The following INSC variants were observed in gnomAD, a reference collection of about 807,000 sequenced individuals.
INSC encodes the protein INSC spindle orientation adaptor protein, also known as protein inscuteable homolog.
Under a neutral mutation model 58.6 loss-of-function variants are expected in INSC, and 67 were observed. That is an observed-to-expected ratio of 1.14 (90% CI 0.94 to 1.40). The LOEUF (loss-of-function observed/expected upper bound fraction) is 1.40, where lower values mean the gene tolerates loss of function less well. Ranked by LOEUF, INSC falls within the 40% of genes most tolerant of loss-of-function variation. INSC has a pLI of 0.00. For synonymous variants in INSC, 262 were observed against 276.1 expected, an observed-to-expected ratio of 0.95 and a Z score of 0.51; for missense variants, 714 against 692.0, an observed-to-expected ratio of 1.03 and a Z score of -0.36.
At chr11:15,153,668 C>T (rs1848720715) in intron 2 of INSC, among the ~76,000 whole-genome samples, 1 of 152,170 alleles carries the variant, frequency 6.6e-6, no homozygotes. Flanking sequence ...GGCAGAGGGA[C>T]AATGATTCAA....
chr11:15,261,263 T>C, the INSC span, among the ~76,000 whole-genome samples: 11 of 152,296 alleles, frequency 7.2e-5, no homozygotes, highest in Admixed American at 2.0e-4. Flanking sequence ...AGTTTTAGCT[T>C]TAGTTTTTGT....
chr11:15,267,559 T>C, the INSC span, among the ~76,000 whole-genome samples: 1 of 152,044 alleles, frequency 6.6e-6, no homozygotes, highest in African/African-American at 2.4e-5. Flanking sequence ...TCAGACTTTG[T>C]GGGCTATATC....
At chr11:15,197,086 T>A (rs1165913669) in intron 6 of INSC, among the ~76,000 whole-genome samples, 1 of 152,246 alleles carries the variant, frequency 6.6e-6, no homozygotes, top group Non-Finnish European at 1.5e-5. Flanking sequence ...TCTTTTGATA[T>A]GTCATAATTA....
intron 5 of INSC, chr11:15,188,222 A>G: frequency 2.0e-6 from 2 of 985,458 alleles, no homozygotes; most frequent in Non-Finnish European, 2.4e-6. Flanking sequence ...ACATAGTGTT[A>G]GATGCGAAGG....
intron 12 of INSC, among the ~76,000 whole-genome samples, chr11:15,244,272 G>A (rs1171489954): frequency 6.6e-6 from 1 of 152,106 alleles, no homozygotes; most frequent in Non-Finnish European, 1.5e-5. Context: ...AGTCTATGGG[G>A]TAAACCACGC....
chr11:15,264,680 T>A, the INSC span, among the ~76,000 whole-genome samples: 1 of 150,688 alleles, frequency 6.6e-6, no homozygotes, highest in Non-Finnish European at 1.5e-5. Context: ...CACAGGAAGT[T>A]CTCTGCTTTG....
At position 15,200,726 on chromosome 11, in the gene INSC, G is replaced by A. The variant is rs79928331; in HGVS notation, c.694-98G>A. Reference sequence around the variant, plus strand: ...GGGTTGCTGGAGGCAGGGAGGACCCGAAAGCATATCTGGCGAATCAGGGAT... The same window carrying A: ...GGGTTGCTGGAGGCAGGGAGGACCCAAAAGCATATCTGGCGAATCAGGGAT... On this transcript the variant is annotated intron_variant, in intron 6 of 12. Transcript: ENST00000379556. 3.2e-3 allele frequency: 5,045 copies of A among 1,557,956 alleles called. 148 individuals are homozygous for A. In the African/African-American group the frequency reaches 0.054, roughly 17 times the overall value.
chr11:15,210,471 G>A (rs773076150), intron 7 of INSC, among the ~76,000 whole-genome samples: 9 of 150,000 alleles, frequency 6.0e-5, no homozygotes, highest in Admixed American at 1.3e-4. Flanking sequence ...CTGGGTGCCT[G>A]TGAATTCTTA....
intron 4 of INSC, among the ~76,000 whole-genome samples, chr11:15,177,552 C>T (rs924560001): frequency 6.6e-6 from 1 of 152,172 alleles, no homozygotes; most frequent in African/African-American, 2.4e-5. Flanking sequence ...AATGCCCACA[C>T]TCACTTTCTC....
chr11:15,169,081 C>T (rs994612187), intron 2 of INSC, among the ~76,000 whole-genome samples: 7 of 152,158 alleles, frequency 4.6e-5, no homozygotes, highest in African/African-American at 1.7e-4. Flanking sequence ...TATGCTCAAA[C>T]TCGTAGACAA....
At chr11:15,250,761 C>T (rs1421780084), downstream of INSC, among the ~76,000 whole-genome samples, 1 of 152,120 alleles carries the variant, frequency 6.6e-6, no homozygotes, top group Admixed American at 6.5e-5. Flanking sequence ...CAAATTTATT[C>T]TTATATTTCC....
the INSC span, among the ~76,000 whole-genome samples, chr11:15,269,661 A>T: frequency 6.6e-6 from 1 of 152,090 alleles, no homozygotes; most frequent in South Asian, 2.1e-4. Flanking sequence ...AGCATCCTAC[A>T]TGATCTTGTC....
intron 12 of INSC, among the ~76,000 whole-genome samples, chr11:15,240,942 C>T (rs967975118): frequency 6.6e-6 from 1 of 152,300 alleles, no homozygotes; most frequent in East Asian, 1.9e-4. Context: ...GGGAGCCCAT[C>T]TGCTGGTGCT....
intron 2 of INSC, among the ~76,000 whole-genome samples, chr11:15,172,560 C>G (rs186274551): frequency 6.6e-6 from 1 of 152,326 alleles, no homozygotes; most frequent in East Asian, 1.9e-4. Flanking sequence ...TGCAGAGGCC[C>G]TGAGGGGGAA....
intron 12 of INSC, among the ~76,000 whole-genome samples, chr11:15,245,118 A>G (rs1381899722): frequency 6.6e-6 from 1 of 152,200 alleles, no homozygotes; most frequent in African/African-American, 2.4e-5. Flanking sequence ...AGTGTGGGAG[A>G]TAAATACCTA....
chr11:15,173,367 A>G (rs1849466585), intron 2 of INSC, among the ~76,000 whole-genome samples: 1 of 152,218 alleles, frequency 6.6e-6, no homozygotes, highest in Non-Finnish European at 1.5e-5. Context: ...ATGAGTATGG[A>G]GAAAAATATA....
chr11:15,230,015 T>G (rs1457586075), intron 9 of INSC, among the ~76,000 whole-genome samples: 1 of 34,120 alleles, frequency 2.9e-5, no homozygotes, highest in Non-Finnish European at 5.1e-5. Context: ...ATATATATAA[T>G]ATATATATAT....
chr11:15,238,255 T>C (rs1263349544), intron 10 of INSC, among the ~76,000 whole-genome samples: 3 of 152,070 alleles, frequency 2.0e-5, no homozygotes, highest in South Asian at 2.1e-4. Context: ...TCAGCAGAGA[T>C]TATTCGGTTG....
At chr11:15,122,100 G>T (rs1847887688) in intron 1 of INSC, among the ~76,000 whole-genome samples, 1 of 152,174 alleles carries the variant, frequency 6.6e-6, no homozygotes, top group African/African-American at 2.4e-5. Context: ...TCGTTTATAT[G>T]CTCTCTTAGC....
Sources: allele counts gnomAD v4.1 joint callset (sites outside exome capture counted in the v4.1 genomes callset), GRCh38; gene constraint gnomAD v4.1.1; transcripts MANE v1.5; gene names NCBI Gene and HGNC (gene_info 2026-07-23, HGNC 2026-07-21).